The following CHST11 variants were observed in gnomAD, a reference collection of about 807,000 sequenced individuals.
CHST11 encodes the protein carbohydrate sulfotransferase 11, also known as C4S-1.
CHST11 carries 9 observed loss-of-function variants against 30.4 expected under a neutral mutation model. The observed-to-expected ratio is 0.30, with a 90% CI of 0.18 to 0.52. CHST11 has a LOEUF of 0.52. Ranked by LOEUF, CHST11 falls within the 20% of genes least tolerant of loss-of-function variation. CHST11 has a pLI of 0.97. For missense variants in CHST11, 348 were observed against 460.6 expected (o/e 0.76, Z 2.24); for synonymous variants, 152 against 187.8 (o/e 0.81, Z 1.56).
intron 2 of CHST11, among the ~76,000 whole-genome samples, chr12:104,640,101 TA>T (rs1349930860): frequency 6.6e-6 from 1 of 152,084 alleles, no homozygotes; most frequent in African/African-American, 2.4e-5. Context: ...AGACATGGAG[TA>T]ACAGAAATCT....
At chr12:104,547,481 G>A (rs1418805748) in intron 1 of CHST11, among the ~76,000 whole-genome samples, 2 of 152,224 alleles carry the variant, frequency 1.3e-5, no homozygotes, top group Admixed American at 1.3e-4. Context: ...GACTGTGGGT[G>A]CAGGGAGCAG....
chr12:104,615,820 C>T (rs2039103050), intron 2 of CHST11, among the ~76,000 whole-genome samples: 1 of 152,100 alleles, frequency 6.6e-6, no homozygotes, highest in Non-Finnish European at 1.5e-5. Flanking sequence ...CTCAGCTACT[C>T]AAAAGGCTGA....
At chr12:104,626,531 A>C (rs2039215731) in intron 2 of CHST11, among the ~76,000 whole-genome samples, 1 of 141,810 alleles carries the variant, frequency 7.1e-6, no homozygotes, top group South Asian at 2.2e-4. Flanking sequence ...GGTTCTGTAC[A>C]TTTGTTTTTC....
chr12:104,709,228 G>A (rs1232403828), intron 2 of CHST11, among the ~76,000 whole-genome samples: 4 of 152,162 alleles, frequency 2.6e-5, no homozygotes, highest in Non-Finnish European at 4.4e-5. Context: ...GGGGACCTAC[G>A]AGCCCCCTGC....
chr12:104,471,309 A>G (rs544324164), intron 1 of CHST11, among the ~76,000 whole-genome samples: 137 of 152,374 alleles, frequency 9.0e-4, no homozygotes, highest in African/African-American at 2.8e-3. Context: ...ACTATTTGCT[A>G]AAAGAAGGAA....
intron 1 of CHST11, among the ~76,000 whole-genome samples, chr12:104,572,585 T>A (rs2038639441): frequency 6.6e-6 from 1 of 152,188 alleles, no homozygotes; most frequent in South Asian, 2.1e-4. Context: ...TTTTATTGCA[T>A]CTATTTGATT....
intron 2 of CHST11, among the ~76,000 whole-genome samples, chr12:104,651,816 T>C (rs960665298): frequency 1.3e-5 from 2 of 152,248 alleles, no homozygotes; most frequent in African/African-American, 4.8e-5. Context: ...CAGCTCTTGC[T>C]AACCCGACCC....
At chr12:104,687,548 C>T (rs957594688) in intron 2 of CHST11, among the ~76,000 whole-genome samples, 6 of 152,196 alleles carry the variant, frequency 3.9e-5, no homozygotes, top group African/African-American at 9.6e-5. Flanking sequence ...ATAGTCATAG[C>T]TGGGAAGCCA....
chr12:104,597,480 A>G (rs980039015), intron 1 of CHST11, among the ~76,000 whole-genome samples: 3 of 152,164 alleles, frequency 2.0e-5, no homozygotes, highest in African/African-American at 4.8e-5. Flanking sequence ...TTCAAAGGAA[A>G]AAAAAATAAC....
chr12:104,584,471 G>T (rs2038782326), intron 1 of CHST11, among the ~76,000 whole-genome samples: 1 of 151,796 alleles, frequency 6.6e-6, no homozygotes. Context: ...TAGCCAGACT[G>T]GTCTTGAACT....
At chr12:104,718,818 C>T (rs145300808) in intron 2 of CHST11, among the ~76,000 whole-genome samples, 11 of 152,290 alleles carry the variant, frequency 7.2e-5, no homozygotes, top group Non-Finnish European at 7.4e-5. Context: ...AATTTCATTC[C>T]GGTGGACGAG....
chr12:104,539,385 A>G (rs1007336718), intron 1 of CHST11, among the ~76,000 whole-genome samples: 3 of 152,172 alleles, frequency 2.0e-5, no homozygotes, highest in African/African-American at 7.2e-5. Context: ...TGTTTTTGTT[A>G]TTTTTTAGCA....
intron 1 of CHST11, among the ~76,000 whole-genome samples, chr12:104,490,420 A>G (rs530844416): frequency 1.9e-4 from 29 of 152,310 alleles, no homozygotes; most frequent in African/African-American, 7.0e-4. Context: ...AACTGCACCA[A>G]TATTAAAATG....
At chr12:104,697,125 CT>C (rs2039954166) in intron 2 of CHST11, among the ~76,000 whole-genome samples, 1 of 152,190 alleles carries the variant, frequency 6.6e-6, no homozygotes, top group Non-Finnish European at 1.5e-5. Flanking sequence ...AAGTGTGTCC[CT>C]ATAGTGTGTG....
At chr12:104,526,611 G>A (rs539291671) in intron 1 of CHST11, among the ~76,000 whole-genome samples, 2 of 152,300 alleles carry the variant, frequency 1.3e-5, no homozygotes, top group East Asian at 1.9e-4. Context: ...GCCAGTGGGG[G>A]CACCAGAGCG....
chr12:104,544,138 A>AAAAGAAAC (rs2038314725), intron 1 of CHST11, among the ~76,000 whole-genome samples: 1 of 71,726 alleles, frequency 1.4e-5, no homozygotes, highest in Non-Finnish European at 2.6e-5. Context: ...AAAAAAAAAA[A>AAAAGAAAC]AAAGAAAGAA....
At chr12:104,598,314 T>C (rs534841526) in intron 1 of CHST11, among the ~76,000 whole-genome samples, 14 of 152,292 alleles carry the variant, frequency 9.2e-5, no homozygotes, top group Admixed American at 5.9e-4. Context: ...GAGGGTACAG[T>C]GGAGCTCAGC....
At chr12:104,540,938 C>G (rs1030109981) in intron 1 of CHST11, among the ~76,000 whole-genome samples, 2 of 152,064 alleles carry the variant, frequency 1.3e-5, no homozygotes, top group African/African-American at 4.8e-5. Context: ...GGGGTCAGGT[C>G]AGAAAATGCT....
At chr12:104,646,335 C>T (rs1403220248) in intron 2 of CHST11, among the ~76,000 whole-genome samples, 2 of 152,332 alleles carry the variant, frequency 1.3e-5, no homozygotes, top group African/African-American at 4.8e-5. Context: ...ACTTAGTCTT[C>T]AGACCTTGTC....
Sources: gnomAD v4.1 joint callset for allele counts (sites outside exome capture counted in the v4.1 genomes callset) on GRCh38, gnomAD v4.1.1 for gene constraint, MANE v1.5 for transcripts, NCBI Gene and HGNC (gene_info 2026-07-23, HGNC 2026-07-21) for gene names.